Variants in BIN1 observed in about 807,000 individuals in gnomAD.
BIN1 encodes the protein bridging integrator 1, also known as myc box-dependent-interacting protein 1.
Under a neutral mutation model 82.0 loss-of-function variants are expected in BIN1, and 53 were observed. The ratio of observed to expected loss-of-function variants is 0.65; its 90% CI spans 0.52 to 0.81. BIN1 has a LOEUF of 0.81. BIN1 is among the 40% of genes least tolerant of loss of function. BIN1 has a pLI of 0.00. For synonymous variants in BIN1, 302 were observed against 328.0 expected (o/e 0.92, Z 0.86); for missense variants, 642 against 784.4 (o/e 0.82, Z 2.17).
At chr2:127,076,562 C>G (rs1686641365) in intron 2 of BIN1, 64 bp downstream of exon 2, 1 of 1,585,190 alleles carries the variant, frequency 6.3e-7, no homozygotes, top group African/African-American at 1.3e-5. Context: ...TCAGCTCGTG[C>G]CATTTTTCAC....
At chr2:127,065,181 T>A (rs907771851) in intron 7 of BIN1, among the ~76,000 whole-genome samples, 3 of 152,146 alleles carry the variant, frequency 2.0e-5, no homozygotes, top group African/African-American at 7.2e-5. Context: ...GTGACTTGGG[T>A]TGGGACTGGA....
Position 127,052,366 on chromosome 2 carries a change from G to C in BIN1, c.1264-4C>G. 1 of 1,572,182 alleles carries C rather than the reference G, an allele frequency of 6.4e-7. No individual in the cohort carries two copies. Among genetic ancestry groups the C allele is most frequent in the Non-Finnish European group, 8.6e-7 (1 of 1,159,250 alleles). On this transcript the variant is annotated splice_region_variant and splice_polypyrimidine_tract_variant and intron_variant, in intron 14 of 18. Coordinates refer to ENST00000316724, the MANE Select transcript of BIN1 (RefSeq NM_139343.3). ...TGCCGGCTGGACTCTCTGTGGGCTG[G>C]TAACAGGCCACGAGGAGAGAACAGG...
intron 2 of BIN1, among the ~76,000 whole-genome samples, chr2:127,076,385 TC>T (rs902195587): frequency 8.1e-5 from 3 of 36,928 alleles, no homozygotes; most frequent in Non-Finnish European, 1.2e-4. Context: ...CCCCTCCCCC[TC>T]CCCCAACTAC....
chr2:127,080,294 C>G (rs1375400057), intron 1 of BIN1, among the ~76,000 whole-genome samples: 4 of 152,246 alleles, frequency 2.6e-5, no homozygotes, highest in Non-Finnish European at 5.9e-5. Context: ...TGGGGCCTCC[C>G]CTGTGCCGAG....
intron 1 of BIN1, among the ~76,000 whole-genome samples, chr2:127,101,175 C>T (rs1359476946): frequency 6.6e-6 from 1 of 152,180 alleles, no homozygotes. Context: ...TGGACAGGTA[C>T]CCCTGCCCAC....
rs533034168 is a variant in BIN1, at chr2:127,096,439, G to A, written c.84+10421C>T. On this transcript the variant is annotated intron_variant, in intron 1 of 18. Transcript: ENST00000316724. ...CACCCACCAGGGAGGGCAGAGCTGC[G>A]TGCTTCCCTCACACATCCTCCCAGA... Among the ~76,000 whole-genome samples the A allele has an allele frequency of 4.6e-5, 7 of 152,286 alleles. No individual in the cohort carries two copies. The South Asian group carries it at 1.2e-3, about 27-fold the overall frequency.
In BIN1 at chr2:127,100,999, C is replaced by T. The variant is rs950134398; in HGVS notation, c.84+5861G>A. Among the ~76,000 whole-genome samples, 28 of 101,736 alleles carry T rather than the reference C, an allele frequency of 2.8e-4. 2 individuals carry two copies. Among genetic ancestry groups the T allele is most frequent in the Non-Finnish European group, 4.3e-4 (22 of 51,074 alleles). The allele number at this position is 101,736 out of a possible 152,430, so 66.7% of individuals were successfully genotyped here. On this transcript the variant is annotated intron_variant, in intron 1 of 18. Transcript: ENST00000316724. ...AGACTTGCCCAAGGGTAGGAATGTG[C>T]GGGGGGTGGGGATAGACTCAAACTC...
intron 1 of BIN1, among the ~76,000 whole-genome samples, chr2:127,080,661 CCA>C (rs142388035): frequency 0.027 from 4,122 of 152,294 alleles, 171 homozygotes; most frequent in East Asian, 0.17. Context: ...TTTATCAGTG[CCA>C]CACCCAATCA....
In BIN1 at chr2:127,102,006, A is replaced by G. The variant is rs112535960; in HGVS notation, c.84+4854T>C. On this transcript the variant is annotated intron_variant, in intron 1 of 18. Transcript: ENST00000316724. ...CGCTCTGCCACAGAGCTGGCATTCA[A>G]TGAGCACTTGCTATGCCCCAAGCAC... Among the ~76,000 whole-genome samples the G allele has an allele frequency of 2.2e-4, 34 of 152,260 alleles. 1 individual carries two copies. The highest frequency in any genetic ancestry group is 1.4e-3 in the Admixed American group (22 of 15,304).
chr2:127,074,036 C>A (rs1045114310), intron 2 of BIN1, among the ~76,000 whole-genome samples: 1 of 152,110 alleles, frequency 6.6e-6, no homozygotes, highest in East Asian at 1.9e-4. Flanking sequence ...CCTAGGGCCC[C>A]CCACCCCATA....
intron 7 of BIN1, 36 bp from the exon 8 acceptor site, chr2:127,064,054 C>T (rs370896383): frequency 8.7e-6 from 14 of 1,612,428 alleles, no homozygotes; most frequent in African/African-American, 4.0e-5. Context: ...CTCTGTTGGG[C>T]GTCCCAGCCA....
intron 4 of BIN1, among the ~76,000 whole-genome samples, chr2:127,070,348 C>A (rs1685715543): frequency 6.6e-6 from 1 of 152,172 alleles, no homozygotes; most frequent in East Asian, 1.9e-4. Context: ...ATAAGGACGA[C>A]CACGACCCAC....
intron 1 of BIN1, among the ~76,000 whole-genome samples, chr2:127,105,256 CACAG>C (rs938722336): frequency 1.3e-5 from 2 of 152,168 alleles, no homozygotes; most frequent in African/African-American, 4.8e-5. Flanking sequence ...GGGCAGGGAA[CACAG>C]CTCAGCTAAC....
At chr2:127,049,406 AG>A (rs1558789344) in intron 18 of BIN1, among the ~76,000 whole-genome samples, 1 of 152,084 alleles carries the variant, frequency 6.6e-6, no homozygotes, top group Non-Finnish European at 1.5e-5. Flanking sequence ...CAGGCCCACA[AG>A]GTCCTCATCA....
rs765060562 is a variant in BIN1, at chr2:127,048,613, G to T, written c.1695C>A (p.Gly565=). The T allele has an allele frequency of 1.2e-6, 2 of 1,613,014 alleles. No homozygotes were observed. The highest frequency in any genetic ancestry group is 2.7e-5 in the African/African-American group (2 of 74,978). The change falls in exon 19 of 19, where the codon GGC becomes GGA. Residue 565 remains glycine (G), a synonymous_variant. Transcript: ENST00000316724. ...GCTGGTTCCAGTCGCTCTCCTTCACGCCCATGAGCCAGCCTTCATCCTGAG... is the reference window on the plus strand; with the variant it reads ...GCTGGTTCCAGTCGCTCTCCTTCACTCCCATGAGCCAGCCTTCATCCTGAG... ...PEEQDEGWLM[G]VKESDWNQHK...
chr2:127,087,180 G>A (rs751092852), intron 1 of BIN1, among the ~76,000 whole-genome samples: 1 of 152,212 alleles, frequency 6.6e-6, no homozygotes, highest in Non-Finnish European at 1.5e-5. Context: ...CGAAAACACA[G>A]AGAGCCCTCC....
chr2:127,053,230 G>C, intron 14 of BIN1, 192 bp downstream of exon 14: 1 of 771,650 alleles, frequency 1.3e-6, no homozygotes, highest in South Asian at 1.6e-5. Flanking sequence ...CTGCCAGAGG[G>C]AGAAGCAGCA....
In BIN1 at chr2:127,069,042, C is replaced by T; in HGVS notation, c.412-11G>A. 1 of 1,613,266 alleles carries T rather than the reference C, an allele frequency of 6.2e-7. No homozygotes were observed. The highest frequency in any genetic ancestry group is 8.5e-7 in the Non-Finnish European group (1 of 1,179,414). On this transcript the variant is annotated splice_polypyrimidine_tract_variant and intron_variant, in intron 5 of 18. Coordinates refer to ENST00000316724, the MANE Select transcript of BIN1 (RefSeq NM_139343.3). ...CTTGGCAATGCGTGACTGGGGCAGACAGAGGAGGGCACTAAGCGGGGCCTG... is the reference window on the plus strand; with the variant it reads ...CTTGGCAATGCGTGACTGGGGCAGATAGAGGAGGGCACTAAGCGGGGCCTG...
rs774321875 is a variant in BIN1 at position 127,050,425 on chromosome 2, T to A, written c.1670A>T (p.Glu557Val). 1.2e-6 allele frequency: 2 copies of A among 1,613,960 alleles called. No individual in the cohort carries two copies. Among genetic ancestry groups the A allele is most frequent in the Admixed American group, 3.3e-5 (2 of 60,012 alleles). ...GCGGCCCCACCCAGCCCTCACCTGCTCTTCAGGGTTCTGGAAGGGGATCAC... is the reference window on the plus strand; with the variant it reads ...GCGGCCCCACCCAGCCCTCACCTGCACTTCAGGGTTCTGGAAGGGGATCAC... ...VLVIPFQNPEEQDEGWLMGVK... is the reference protein window; with the variant it reads ...VLVIPFQNPEVQDEGWLMGVK... The change falls in exon 18 of 19, where the codon GAG becomes GTG. Residue 557 changes from glutamate (E) to valine (V), a missense_variant. Coordinates refer to ENST00000316724, the MANE Select transcript of BIN1 (RefSeq NM_139343.3).
Sources: allele counts gnomAD v4.1 joint callset (sites outside exome capture counted in the v4.1 genomes callset), GRCh38; gene constraint gnomAD v4.1.1; transcripts MANE v1.5; gene names NCBI Gene and HGNC (gene_info 2026-07-23, HGNC 2026-07-21).